The following ANK3 variants were observed in gnomAD, a reference collection of about 807,000 sequenced individuals.
ANK3 encodes ankyrin-3.
ANK3 carries 57 observed loss-of-function variants against 370.9 expected under a neutral mutation model. The ratio of observed to expected loss-of-function variants is 0.15; its 90% CI spans 0.12 to 0.19. The LOEUF is 0.19. Ranked by LOEUF, ANK3 falls within the 10% of genes least tolerant of loss-of-function variation. ANK3 has a pLI of 1.00. For missense variants in ANK3, 4,439 were observed against 5,302.1 expected, an observed-to-expected ratio of 0.84 and a Z score of 5.06; for synonymous variants, 1,929 against 1,946.3, an observed-to-expected ratio of 0.99 and a Z score of 0.23.
chr10:60,355,370 T>A (rs562140929), intron 1 of ANK3, among the ~76,000 whole-genome samples: 4 of 152,262 alleles, frequency 2.6e-5, no homozygotes, highest in South Asian at 4.1e-4. Flanking sequence ...ATTTTTTTTT[T>A]AAACCTAAGT....
At chr10:60,732,646 A>G (rs937196197) in intron 1 of ANK3, among the ~76,000 whole-genome samples, 1 of 152,188 alleles carries the variant, frequency 6.6e-6, no homozygotes, top group African/African-American at 2.4e-5. Context: ...AGTATGTTCT[A>G]TACTTTCATG....
chr10:60,703,964 A>G (rs1272933028), intron 1 of ANK3, among the ~76,000 whole-genome samples: 2 of 152,126 alleles, frequency 1.3e-5, no homozygotes, highest in African/African-American at 4.8e-5. Context: ...TGGAACTGAT[A>G]CTGTGTGACT....
intron 2 of ANK3, among the ~76,000 whole-genome samples, chr10:60,553,243 T>C (rs2077130403): frequency 6.6e-6 from 1 of 152,186 alleles, no homozygotes; most frequent in Non-Finnish European, 1.5e-5. Flanking sequence ...ATCCTTGGTC[T>C]GCCTTATACC....
At chr10:60,374,440 G>A (rs1348107766) in intron 1 of ANK3, among the ~76,000 whole-genome samples, 1 of 152,152 alleles carries the variant, frequency 6.6e-6, no homozygotes, top group Non-Finnish European at 1.5e-5. Flanking sequence ...CCAGCAGTTG[G>A]AAGGATTTGT....
chr10:60,248,404 A>AT (rs891230582), intron 7 of ANK3, among the ~76,000 whole-genome samples: 5 of 152,138 alleles, frequency 3.3e-5, no homozygotes, highest in East Asian at 1.9e-4. Flanking sequence ...TTAAATATAT[A>AT]TTTTTTCAGG....
chr10:60,333,833 G>T (rs959503201), intron 1 of ANK3, among the ~76,000 whole-genome samples: 1 of 152,034 alleles, frequency 6.6e-6, no homozygotes, highest in Non-Finnish European at 1.5e-5. Flanking sequence ...TTTAATGATC[G>T]CCATTCTCAT....
intron 28 of ANK3, among the ~76,000 whole-genome samples, chr10:60,100,093 T>G (rs1205746242): frequency 1.3e-5 from 2 of 152,198 alleles, no homozygotes; most frequent in African/African-American, 4.8e-5. Flanking sequence ...AATTTTCATT[T>G]CTAAACTAGA....
At chr10:60,249,385 G>A (rs1738228365) in intron 7 of ANK3, among the ~76,000 whole-genome samples, 1 of 152,116 alleles carries the variant, frequency 6.6e-6, no homozygotes, top group Admixed American at 6.5e-5. Flanking sequence ...TCTTAAAAAA[G>A]TAATGGGGAT....
chr10:60,715,824 G>A (rs982822172), intron 1 of ANK3, among the ~76,000 whole-genome samples: 1 of 152,058 alleles, frequency 6.6e-6, no homozygotes, highest in African/African-American at 2.4e-5. Context: ...AACCATTAAG[G>A]TTCTAATCTG....
In ANK3 at chr10:60,501,705, C is replaced by CAA. The variant is rs376934079; in HGVS notation, c.96+113479_96+113480dup. On this transcript the variant is annotated intron_variant, in intron 2 of 43. Transcript: ENST00000373827. ...GGGCCACAACAGTGAGACTCTGTCT[C>CAA]AAAAAAAAAAAAAAAAAAGAAAAGA... Among the ~76,000 whole-genome samples the CAA allele has an allele frequency of 7.2e-3, 572 of 79,654 alleles. 12 individuals carry two copies. Among genetic ancestry groups the CAA allele is most frequent in the East Asian group, 0.067 (177 of 2,652 alleles). The allele number at this position is 79,654 out of a possible 152,430, so 52.3% of individuals were successfully genotyped here.
rs535130627 is a variant in ANK3, at chr10:60,404,818, G to A, written c.97-125179C>T. On this transcript the variant is annotated intron_variant, in intron 2 of 43. Coordinates refer to the ANK3 transcript ENST00000373827. ...AGAAAATATTTTCAAGAATATATCC[G>A]TCCAAGGATCAGTGTCCAGAAAATA... is the stretch of plus-strand genomic sequence containing the variant. 1.7e-4 allele frequency among the ~76,000 whole-genome samples: 26 copies of A among 152,108 alleles called. No individual in the cohort carries two copies. In the East Asian group the frequency reaches 4.4e-3, roughly 26 times the overall value.
chr10:60,327,500 T>G (rs964505752), intron 1 of ANK3, among the ~76,000 whole-genome samples: 1 of 152,226 alleles, frequency 6.6e-6, no homozygotes, highest in Non-Finnish European at 1.5e-5. Context: ...TTCCTCTCCT[T>G]ATACCGCAGT....
At chr10:60,283,843 T>G (rs1390346368) in intron 1 of ANK3, among the ~76,000 whole-genome samples, 1 of 152,188 alleles carries the variant, frequency 6.6e-6, no homozygotes, top group Non-Finnish European at 1.5e-5. Context: ...GACATGATTA[T>G]AAGCACTTAA....
At chr10:60,595,431 A>T (rs550444556) in intron 2 of ANK3, among the ~76,000 whole-genome samples, 1 of 152,158 alleles carries the variant, frequency 6.6e-6, no homozygotes, top group Non-Finnish European at 1.5e-5. Context: ...GCACTGAGTC[A>T]GTTCCTGGTT....
chr10:60,701,094 G>A (rs1375798016), intron 1 of ANK3, among the ~76,000 whole-genome samples: 3 of 151,720 alleles, frequency 2.0e-5, no homozygotes, highest in Non-Finnish European at 4.4e-5. Flanking sequence ...TGTTTAAAAT[G>A]GTCTAAAGAA....
At position 60,608,530 on chromosome 10, in the gene ANK3, T is replaced by C. The variant is rs145353889; in HGVS notation, c.96+6656A>G. On this transcript the variant is annotated intron_variant, in intron 2 of 43. Transcript: ENST00000373827. ...AATACAGTATTTATCATGTCAAAGC[T>C]CCTCCCCCTGGGATGAATTAGCAGA... Among the ~76,000 whole-genome samples the C allele has an allele frequency of 2.0e-3, 310 of 152,150 alleles. 1 individual carries two copies. Among genetic ancestry groups the C allele is most frequent in the African/African-American group, 7.0e-3 (290 of 41,514 alleles).
intron 1 of ANK3, among the ~76,000 whole-genome samples, chr10:60,659,045 A>G (rs373801603): frequency 1.3e-5 from 2 of 152,248 alleles, no homozygotes; most frequent in East Asian, 3.9e-4. Context: ...GAAAAAATTA[A>G]CAACATTCTT....
intron 7 of ANK3, among the ~76,000 whole-genome samples, chr10:60,256,311 C>G (rs146240769): frequency 2.0e-5 from 3 of 152,274 alleles, no homozygotes; most frequent in African/African-American, 7.2e-5. Context: ...GAGTAGGTAA[C>G]TCAAGTCTGA....
At chr10:60,535,341 C>T (rs1050474967) in intron 2 of ANK3, among the ~76,000 whole-genome samples, 14 of 152,160 alleles carry the variant, frequency 9.2e-5, no homozygotes, top group Middle Eastern at 6.8e-3. Context: ...ATGAAAAATA[C>T]GTTCACTCAA....
Sources: allele counts gnomAD v4.1 joint callset (sites outside exome capture counted in the v4.1 genomes callset), GRCh38; gene constraint gnomAD v4.1.1; transcripts MANE v1.5; gene names NCBI Gene and HGNC (gene_info 2026-07-23, HGNC 2026-07-21).